The following PIGL variants were observed in gnomAD, a reference collection of about 807,000 sequenced individuals.
The protein encoded by PIGL is phosphatidylinositol glycan anchor biosynthesis class L, also known as N-acetylglucosaminyl-phosphatidylinositol de-N-acetylase.
PIGL carries 22 observed loss-of-function variants against 31.1 expected under a neutral mutation model. The observed-to-expected ratio is 0.71, with a 90% CI of 0.51 to 1.01. PIGL has a LOEUF of 1.01. Among genes scored for constraint, PIGL ranks in the 50% least tolerant of loss-of-function variants. The pLI, the probability that PIGL is intolerant of heterozygous loss-of-function variation, is 0.00. For synonymous variants in PIGL, 131 were observed against 117.4 expected (o/e 1.12, Z -0.75); for missense variants, 302 against 315.9 (o/e 0.96, Z 0.33).
At chr17:16,229,788 A>G (rs2092670364) in intron 1 of PIGL, among the ~76,000 whole-genome samples, 2 of 149,650 alleles carry the variant, frequency 1.3e-5, no homozygotes, top group South Asian at 4.2e-4. Context: ...CCATCTATAT[A>G]TCTTCTTTAG....
At chr17:16,269,676 C>T (rs1361677334) in intron 2 of PIGL, among the ~76,000 whole-genome samples, 2 of 151,160 alleles carry the variant, frequency 1.3e-5, no homozygotes, top group South Asian at 2.1e-4. Context: ...ATTAGAATTA[C>T]CTGGGGCATT....
intron 3 of PIGL, among the ~76,000 whole-genome samples, chr17:16,304,845 A>G (rs909518788): frequency 1.3e-5 from 2 of 152,228 alleles, no homozygotes; most frequent in African/African-American, 4.8e-5. Flanking sequence ...CCCATAGAGC[A>G]GGATGTGTCA....
chr17:16,312,930 G>A (rs545317040), intron 3 of PIGL: 1 of 52,962 alleles, frequency 1.9e-5, no homozygotes, highest in South Asian at 4.4e-4. Context: ...GAGGGGGAAG[G>A]GGGGGGGAGA....
intron 2 of PIGL, among the ~76,000 whole-genome samples, chr17:16,237,254 C>T (rs1331815736): frequency 2.0e-5 from 3 of 151,594 alleles, no homozygotes; most frequent in Non-Finnish European, 4.4e-5. Flanking sequence ...ATTACAGGCA[C>T]ACACCACTAC....
At chr17:16,305,621 C>T (rs1255671400) in intron 3 of PIGL, among the ~76,000 whole-genome samples, 3 of 152,106 alleles carry the variant, frequency 2.0e-5, no homozygotes, top group Non-Finnish European at 4.4e-5. Context: ...TGGAGAATTT[C>T]AAAAGTGATG....
intron 3 of PIGL, among the ~76,000 whole-genome samples, chr17:16,303,123 A>G (rs1045133746): frequency 1.1e-4 from 17 of 152,156 alleles, no homozygotes; most frequent in Middle Eastern, 3.2e-3. Context: ...TTTGGGTCCC[A>G]GAAAAGTGAT....
chr17:16,245,504 G>GTATA lies in PIGL; in HGVS notation c.335+11450_335+11453dup, dbSNP rs34133338. Among the ~76,000 whole-genome samples the GTATA allele has an allele frequency of 6.4e-3, 945 of 147,480 alleles. 8 individuals are homozygous for GTATA. Among genetic ancestry groups the GTATA allele is most frequent in the African/African-American group, 0.022 (893 of 40,090 alleles). ...ACGTAGCCAGATTGTAAGCCAGGGA[G>GTATA]TATATATATATATATATATTTGAGA... On this transcript the variant is annotated intron_variant, in intron 2 of 6. Transcript: ENST00000225609.
intron 2 of PIGL, among the ~76,000 whole-genome samples, chr17:16,283,343 C>T (rs2092924428): frequency 6.6e-6 from 1 of 152,172 alleles, no homozygotes; most frequent in African/African-American, 2.4e-5. Flanking sequence ...TTGTGCATGC[C>T]TGTAGTCCCA....
intron 2 of PIGL, among the ~76,000 whole-genome samples, chr17:16,264,220 C>CTGGT (rs1036110466): frequency 6.6e-6 from 1 of 151,772 alleles, no homozygotes; most frequent in African/African-American, 2.4e-5. Flanking sequence ...GTTGGCCAGG[C>CTGGT]TGGTCTTGAA....
At chr17:16,303,860 G>A (rs1025414058) in intron 3 of PIGL, among the ~76,000 whole-genome samples, 11 of 151,976 alleles carry the variant, frequency 7.2e-5, no homozygotes, top group Admixed American at 3.9e-4. Context: ...GACTACAGGC[G>A]CCCGCCACCA....
At chr17:16,324,586 C>T (rs1373327826) in intron 6 of PIGL, among the ~76,000 whole-genome samples, 6 of 151,818 alleles carry the variant, frequency 4.0e-5, no homozygotes, top group Admixed American at 1.3e-4. Context: ...CTCGAACTCC[C>T]GACTTCAGGT....
At chr17:16,284,337 A>T (rs1220503335) in intron 2 of PIGL, among the ~76,000 whole-genome samples, 1 of 152,142 alleles carries the variant, frequency 6.6e-6, no homozygotes, top group Non-Finnish European at 1.5e-5. Flanking sequence ...CACCTCCCAA[A>T]GTGCTGGGAT....
intron 4 of PIGL, among the ~76,000 whole-genome samples, chr17:16,315,475 GCCCCTTGGTCC>G (rs1275577439): frequency 1.3e-5 from 2 of 151,816 alleles, no homozygotes; most frequent in African/African-American, 4.8e-5. Flanking sequence ...CCCACCAGTG[GCCCCTTGGTCC>G]CCCTGTCCCC....
At chr17:16,279,310 G>A (rs765083225) in intron 2 of PIGL, among the ~76,000 whole-genome samples, 8 of 152,184 alleles carry the variant, frequency 5.3e-5, no homozygotes, top group Non-Finnish European at 8.8e-5. Context: ...CAGAGCAGCC[G>A]GTCACTTTAA....
At chr17:16,312,158 CCGGA>C (rs951296360) in intron 3 of PIGL, among the ~76,000 whole-genome samples, 1 of 150,952 alleles carries the variant, frequency 6.6e-6, no homozygotes, top group African/African-American at 2.4e-5. Context: ...CACCTCCCTC[CCGGA>C]CGGGGCGGCT....
chr17:16,227,581 T>TC (rs1451780529), intron 1 of PIGL, among the ~76,000 whole-genome samples: 4 of 143,590 alleles, frequency 2.8e-5, no homozygotes, highest in African/African-American at 7.7e-5. Flanking sequence ...TTCTTTTCTT[T>TC]TTTTTTTTTT....
At chr17:16,293,438 G>T (rs2092968932) in intron 2 of PIGL, among the ~76,000 whole-genome samples, 1 of 152,356 alleles carries the variant, frequency 6.6e-6, no homozygotes, top group South Asian at 2.1e-4. Flanking sequence ...TGAGGCAGGA[G>T]AATGGCGTGA....
intron 3 of PIGL, among the ~76,000 whole-genome samples, chr17:16,311,750 A>C: frequency 6.6e-6 from 1 of 151,574 alleles, no homozygotes; most frequent in South Asian, 2.1e-4. Flanking sequence ...GACACAGCAC[A>C]TGTTTCAGAG....
At chr17:16,288,134 T>C (rs892326651) in intron 2 of PIGL, among the ~76,000 whole-genome samples, 2 of 152,236 alleles carry the variant, frequency 1.3e-5, no homozygotes, top group Admixed American at 1.3e-4. Context: ...GCAGAAGGAA[T>C]ATATGTTGGC....
Sources: gnomAD v4.1 joint callset for allele counts (sites outside exome capture counted in the v4.1 genomes callset) on GRCh38, gnomAD v4.1.1 for gene constraint, MANE v1.5 for transcripts, NCBI Gene and HGNC (gene_info 2026-07-23, HGNC 2026-07-21) for gene names.